The following DPP6 variants were observed in gnomAD, a reference collection of about 807,000 sequenced individuals.
DPP6 encodes the protein dipeptidyl peptidase like 6.
In DPP6, 69 loss-of-function variants were observed where a neutral mutation model predicts 122.6. The ratio of observed to expected loss-of-function variants is 0.56; its 90% CI spans 0.46 to 0.69. DPP6 has a LOEUF of 0.69. Ranked by LOEUF, DPP6 falls within the 30% of genes least tolerant of loss-of-function variation. DPP6 has a pLI of 0.00. For missense variants in DPP6, 928 were observed against 1,116.9 expected, an observed-to-expected ratio of 0.83 and a Z score of 2.41; for synonymous variants, 418 against 433.1, an observed-to-expected ratio of 0.97 and a Z score of 0.43.
chr7:153,765,954 T>C, the DPP6 span, among the ~76,000 whole-genome samples: 49 of 152,344 alleles, frequency 3.2e-4, no homozygotes, highest in Middle Eastern at 6.8e-3. Flanking sequence ...TGGATTCTGA[T>C]TGAGTAGGTC....
chr7:153,754,522 G>A, the DPP6 span, among the ~76,000 whole-genome samples: 12 of 152,210 alleles, frequency 7.9e-5, no homozygotes, highest in African/African-American at 2.9e-4. Context: ...GCCTAGGCAT[G>A]ATTTTCTTCA....
chr7:154,862,097 G>T (rs1440673598), intron 17 of DPP6, among the ~76,000 whole-genome samples: 1 of 152,160 alleles, frequency 6.6e-6, no homozygotes, highest in Non-Finnish European at 1.5e-5. Flanking sequence ...ACCCATTACT[G>T]GGGGAGTTCT....
intron 10 of DPP6, among the ~76,000 whole-genome samples, chr7:154,773,847 C>T (rs957611601): frequency 5.3e-5 from 8 of 152,122 alleles, no homozygotes; most frequent in African/African-American, 1.7e-4. Flanking sequence ...AGGTCTAGCT[C>T]GGGGATGGAT....
chr7:154,247,547 G>A (rs1802060466), intron 1 of DPP6, among the ~76,000 whole-genome samples: 1 of 151,944 alleles, frequency 6.6e-6, no homozygotes, highest in Non-Finnish European at 1.5e-5. Context: ...ACCATACTGA[G>A]GGAACATTTT....
At chr7:153,839,266 T>C in the DPP6 span, among the ~76,000 whole-genome samples, 1 of 152,250 alleles carries the variant, frequency 6.6e-6, no homozygotes, top group African/African-American at 2.4e-5. Flanking sequence ...AGTCATTAAT[T>C]TGACAATTGT....
At chr7:154,237,786 T>C (rs1464277153) in intron 1 of DPP6, among the ~76,000 whole-genome samples, 1 of 152,204 alleles carries the variant, frequency 6.6e-6, no homozygotes, top group Non-Finnish European at 1.5e-5. Context: ...AATAGAAGTG[T>C]TGGGTCCACA....
At chr7:154,391,019 G>C (rs895650539) in intron 1 of DPP6, among the ~76,000 whole-genome samples, 6 of 152,130 alleles carry the variant, frequency 3.9e-5, no homozygotes, top group Non-Finnish European at 7.3e-5. Context: ...AAAATGGGGC[G>C]GATCAGCCCA....
rs1806821014 is a variant in DPP6, at chr7:154,893,542, A to C, written c.*1062A>C. The stretch of plus-strand genomic sequence containing the variant: ...CCGCTGTGTGTGCTCGGGCCACGGG[A>C]GTCCTGAGGGTTCTGTGGGCCTGCG... On this transcript the variant is annotated 3_prime_UTR_variant, in exon 26 of 26. Coordinates refer to ENST00000377770, the MANE Select transcript of DPP6 (RefSeq NM_130797.4). The C allele has an allele frequency of 6.8e-6, 1 of 147,226 alleles. No individual in the cohort carries two copies. Among genetic ancestry groups the C allele is most frequent in the African/African-American group, 2.5e-5 (1 of 39,776 alleles). 9.1% of individuals were successfully genotyped at this position (147,226 alleles called of 1,614,324 possible).
At chr7:154,632,089 G>A (rs937503280) in intron 5 of DPP6, among the ~76,000 whole-genome samples, 6 of 152,190 alleles carry the variant, frequency 3.9e-5, no homozygotes, top group African/African-American at 1.4e-4. Flanking sequence ...AGCTGGATTC[G>A]TTACAGCTCA....
chr7:154,801,530 C>G (rs1300134827), intron 13 of DPP6, 68 bp downstream of exon 13: 11 of 1,487,784 alleles, frequency 7.4e-6, no homozygotes, highest in Non-Finnish European at 9.8e-6. Context: ...GTGACAGCCT[C>G]TAGGGCTGGG....
Position 154,803,891 on chromosome 7 carries a change from T to G in DPP6, c.1435T>G (p.Ser479Ala). 1 of 1,613,894 alleles carries G rather than the reference T, an allele frequency of 6.2e-7. No homozygotes were observed. ...QPNSSNDNIQ[S>A]ITSGDWDVTK... ...CAACAGCAGCAACGACAACATCCAG[T>G]CCATCACCTCCGGGGACTGGGACGT... Residue 479 changes from serine (S) to alanine (A), a missense_variant, in exon 14 of 26, where the codon TCC (serine) becomes GCC (alanine). By Grantham distance (99) the Ser-to-Ala change is moderately conservative (BLOSUM62 1). Coordinates refer to ENST00000377770, the MANE Select transcript of DPP6 (RefSeq NM_130797.4).
chr7:154,027,456 T>C (rs988850911), intron 1 of DPP6, among the ~76,000 whole-genome samples: 1 of 152,196 alleles, frequency 6.6e-6, no homozygotes, highest in Non-Finnish European at 1.5e-5. Context: ...CTTCTCGCTG[T>C]GTCCTCATGT....
the DPP6 span, among the ~76,000 whole-genome samples, chr7:153,839,303 C>A: frequency 2.0e-4 from 31 of 152,222 alleles, no homozygotes; most frequent in Non-Finnish European, 4.1e-4. Context: ...GGGTTAAAAT[C>A]TGACAGGATG....
At chr7:154,587,610 G>A in intron 5 of DPP6, 1 of 1,516,636 alleles carries the variant, frequency 6.6e-7, no homozygotes, top group Non-Finnish European at 8.9e-7. Flanking sequence ...AAATGGAATT[G>A]AGCTTTCTAA....
intron 1 of DPP6, among the ~76,000 whole-genome samples, chr7:154,382,573 C>T: frequency 6.6e-6 from 1 of 152,224 alleles, no homozygotes; most frequent in East Asian, 1.9e-4. Flanking sequence ...TAATAGCTAA[C>T]AAATGTTTAC....
At chr7:153,791,719 TA>T in the DPP6 span, among the ~76,000 whole-genome samples, 1 of 152,138 alleles carries the variant, frequency 6.6e-6, no homozygotes, top group Non-Finnish European at 1.5e-5. Context: ...TGCGTCCAGC[TA>T]AAAACTCATT....
Position 154,512,781 on chromosome 7 carries a change from G to A in DPP6, c.458-27751G>A, listed in dbSNP as rs548242754. On this transcript the variant is annotated intron_variant, in intron 3 of 25. Coordinates refer to ENST00000377770, the MANE Select transcript of DPP6 (RefSeq NM_130797.4). ...TGGACCTCTTGTGGTTTCCAGAGCT[G>A]TAGATGAATAAATTTTCATCCCTTG... Among the ~76,000 whole-genome samples, 13 of 152,268 alleles carry A rather than the reference G, an allele frequency of 8.5e-5. No homozygotes were observed. In the East Asian group the frequency reaches 2.5e-3, roughly 29 times the overall value.
chr7:153,938,692 C>T (rs149646220), intron 1 of DPP6, among the ~76,000 whole-genome samples: 211 of 152,336 alleles, frequency 1.4e-3, no homozygotes, highest in African/African-American at 4.8e-3. Flanking sequence ...CTCCTCTCGC[C>T]TTCCCTGCAA....
chr7:154,351,094 C>A (rs970610142), intron 1 of DPP6, among the ~76,000 whole-genome samples: 3 of 152,100 alleles, frequency 2.0e-5, no homozygotes, highest in African/African-American at 4.8e-5. Context: ...GACGGGGGCA[C>A]GTGACTTCTA....
Sources: gnomAD v4.1 joint callset for allele counts (sites outside exome capture counted in the v4.1 genomes callset) on GRCh38, gnomAD v4.1.1 for gene constraint, MANE v1.5 for transcripts, NCBI Gene and HGNC (gene_info 2026-07-23, HGNC 2026-07-21) for gene names.